The following OR1B1 variants were observed in gnomAD, a reference collection of about 807,000 sequenced individuals.
OR1B1 encodes the protein olfactory receptor family 1 subfamily B member 1, also known as olfactory receptor 1B1.
For missense variants in OR1B1, 414 were observed against 402.1 expected, an observed-to-expected ratio of 1.03 and a Z score of -0.25; for synonymous variants, 168 against 156.2, an observed-to-expected ratio of 1.08 and a Z score of -0.57.
chr9:122,641,331 G>T, the OR1B1 span, among the ~76,000 whole-genome samples: 2 of 152,168 alleles, frequency 1.3e-5, no homozygotes, highest in Non-Finnish European at 2.9e-5. Context: ...TTAATTGAGT[G>T]TTTCTTCTAA....
the OR1B1 span, among the ~76,000 whole-genome samples, chr9:122,651,977 T>C: frequency 2.0e-5 from 3 of 152,176 alleles, no homozygotes; most frequent in South Asian, 4.1e-4. Context: ...TTTAATTTCT[T>C]TATTGAAGAA....
the OR1B1 span, among the ~76,000 whole-genome samples, chr9:122,650,508 A>G: frequency 6.6e-6 from 1 of 152,056 alleles, no homozygotes; most frequent in African/African-American, 2.4e-5. Context: ...CACAGTGCTC[A>G]GTAGATTAAA....
chr9:122,628,852 C>T, exon 1 of OR1B1: 1 of 1,614,022 alleles, frequency 6.2e-7, no homozygotes, highest in Non-Finnish European at 8.5e-7. Flanking sequence ...GAATAGCGGC[C>T]CCAATTCGGA....
chr9:122,651,818 T>TTTTAA, the OR1B1 span, among the ~76,000 whole-genome samples: 2 of 152,218 alleles, frequency 1.3e-5, no homozygotes, highest in Non-Finnish European at 2.9e-5. Flanking sequence ...TCAGGGCTTT[T>TTTTAA]GCTCTATCAC....
At chr9:122,635,275 A>G in the OR1B1 span, among the ~76,000 whole-genome samples, 10 of 152,232 alleles carry the variant, frequency 6.6e-5, no homozygotes, top group Non-Finnish European at 1.5e-5. Flanking sequence ...ACAGAAAAAA[A>G]TACTGCATAA....
At chr9:122,639,000 C>T in the OR1B1 span, among the ~76,000 whole-genome samples, 4 of 152,064 alleles carry the variant, frequency 2.6e-5, no homozygotes, top group Non-Finnish European at 5.9e-5. Context: ...TACAGTGGTT[C>T]GATTATAACC....
the OR1B1 span, chr9:122,639,813 AT>A: frequency 6.6e-6 from 1 of 151,048 alleles, no homozygotes; most frequent in Admixed American, 6.6e-5. Flanking sequence ...TATAATTTCA[AT>A]ATAAAGTAAT....
the OR1B1 span, among the ~76,000 whole-genome samples, chr9:122,653,668 A>T: frequency 6.6e-6 from 1 of 152,120 alleles, no homozygotes; most frequent in South Asian, 2.1e-4. Context: ...CCCTGGCTGA[A>T]ATTGAGGTTA....
At chr9:122,640,302 C>T in the OR1B1 span, among the ~76,000 whole-genome samples, 1 of 152,120 alleles carries the variant, frequency 6.6e-6, no homozygotes, top group East Asian at 1.9e-4. Context: ...CTTCCTCTCC[C>T]ATTCCCCTCA....
the OR1B1 span, among the ~76,000 whole-genome samples, chr9:122,641,638 A>T: frequency 1.3e-5 from 2 of 152,226 alleles, no homozygotes; most frequent in Admixed American, 6.5e-5. Context: ...ATCAAAACAT[A>T]CAAAATTTCA....
At chr9:122,653,512 A>G in the OR1B1 span, among the ~76,000 whole-genome samples, 1 of 152,194 alleles carries the variant, frequency 6.6e-6, no homozygotes, top group African/African-American at 2.4e-5. Flanking sequence ...GGTAAATACA[A>G]TATAAGACAT....
At chr9:122,651,788 T>C in the OR1B1 span, among the ~76,000 whole-genome samples, 1 of 152,110 alleles carries the variant, frequency 6.6e-6, no homozygotes, top group Admixed American at 6.5e-5. Context: ...TTTGAAATTA[T>C]CATTTCAGAT....
At chr9:122,630,889 G>T (rs1031269036), upstream of OR1B1, among the ~76,000 whole-genome samples, 1 of 151,986 alleles carries the variant, frequency 6.6e-6, no homozygotes, top group Non-Finnish European at 1.5e-5. Context: ...TGTATTTTTA[G>T]CAGAGACAGG....
At chr9:122,641,466 C>G in the OR1B1 span, among the ~76,000 whole-genome samples, 1 of 151,990 alleles carries the variant, frequency 6.6e-6, no homozygotes, top group Admixed American at 6.6e-5. Flanking sequence ...AGGACAAATG[C>G]AGTAGAAAAC....
At chr9:122,640,479 A>G in the OR1B1 span, among the ~76,000 whole-genome samples, 1 of 152,182 alleles carries the variant, frequency 6.6e-6, no homozygotes, top group East Asian at 1.9e-4. Flanking sequence ...TCCAGAGAGA[A>G]TAACAGGGAC....
upstream of OR1B1, among the ~76,000 whole-genome samples, chr9:122,632,862 G>T (rs1446111074): frequency 6.6e-6 from 1 of 152,156 alleles, no homozygotes; most frequent in African/African-American, 2.4e-5. Context: ...TGCTGATAAA[G>T]GCATACCCAA....
upstream of OR1B1, among the ~76,000 whole-genome samples, chr9:122,630,875 T>C (rs1830196787): frequency 6.6e-6 from 1 of 152,026 alleles, no homozygotes; most frequent in African/African-American, 2.4e-5. Flanking sequence ...ACCCAGTTCA[T>C]TTTTGTATTT....
At chr9:122,640,742 T>A in the OR1B1 span, among the ~76,000 whole-genome samples, 1 of 152,172 alleles carries the variant, frequency 6.6e-6, no homozygotes, top group Non-Finnish European at 1.5e-5. Flanking sequence ...ATGGAGAGAA[T>A]TGTTCTGAAT....
chr9:122,656,441 G>A, the OR1B1 span, among the ~76,000 whole-genome samples: 1 of 152,060 alleles, frequency 6.6e-6, no homozygotes, highest in East Asian at 1.9e-4. Flanking sequence ...CTTATGAATA[G>A]GTTAATGCTG....
Sources: gnomAD v4.1 joint callset for allele counts (sites outside exome capture counted in the v4.1 genomes callset) on GRCh38, gnomAD v4.1.1 for gene constraint, MANE v1.5 for transcripts, NCBI Gene and HGNC (gene_info 2026-07-23, HGNC 2026-07-21) for gene names.